The following L3MBTL1 variants were observed in gnomAD, a reference collection of about 807,000 sequenced individuals.
L3MBTL1 encodes L3MBTL histone methyl-lysine binding protein 1.
In L3MBTL1, 75 loss-of-function variants were observed where a neutral mutation model predicts 105.3. The ratio of observed to expected loss-of-function variants is 0.71; its 90% confidence interval spans 0.59 to 0.86. The LOEUF is 0.86. L3MBTL1 is among the 40% of genes least tolerant of loss of function. The pLI, the probability that L3MBTL1 is intolerant of heterozygous loss-of-function variation, is 0.00. For missense variants in L3MBTL1, 1,069 were observed against 1,126.4 expected (o/e 0.95, Z 0.73); for synonymous variants, 452 against 436.2 (o/e 1.04, Z -0.45).
Position 43,516,145 on chromosome 20 carries a change from C to T in L3MBTL1, c.830C>T (p.Pro277Leu), listed in dbSNP as rs376163134. 1.2e-6 allele frequency: 2 copies of T among 1,613,910 alleles called. No individual in the cohort carries two copies. The highest frequency in any genetic ancestry group is 1.7e-5 in the Admixed American group (1 of 59,984). ...GAGGGACAACCCACTGCTAGCACCC[C>T]AGAGAGTGAGGAGTGGAGCAGCAGC... Reference protein sequence around the residue: ...DPEGQPTASTPESEEWSSSQP... With the variant: ...DPEGQPTASTLESEEWSSSQP... Residue 277 changes from proline to leucine, a missense_variant, in exon 7 of 22, where the codon CCA becomes CTA. Transcript: ENST00000418998.
At chr20:43,519,406 G>A (rs2018589472) in intron 7 of L3MBTL1, among the ~76,000 whole-genome samples, 1 of 151,460 alleles carries the variant, frequency 6.6e-6, no homozygotes, top group Non-Finnish European at 1.5e-5. Flanking sequence ...GGAGGCCGAA[G>A]CGGGCAGATC....
intron 7 of L3MBTL1, among the ~76,000 whole-genome samples, chr20:43,522,992 C>G (rs2018814473): frequency 1.3e-5 from 2 of 151,434 alleles, no homozygotes; most frequent in Admixed American, 6.6e-5. Context: ...CCTGTAATCC[C>G]AGCTACTCAG....
chr20:43,522,628 G>T (rs6017100), intron 7 of L3MBTL1, among the ~76,000 whole-genome samples: 1 of 150,200 alleles, frequency 6.7e-6, no homozygotes, highest in African/African-American at 2.4e-5. Context: ...GCACACCACC[G>T]TGCCTGGCTA....
chr20:43,532,574 C>A, intron 11 of L3MBTL1, 199 bp from the exon 12 acceptor site: 1 of 560,386 alleles, frequency 1.8e-6, no homozygotes. Context: ...ACCTTGGAGG[C>A]CAGAGGTTCC....
At chr20:43,548,204 G>A (rs1466405364) in exon 19 of L3MBTL1, 22 of 1,304,336 alleles carry the variant, frequency 1.7e-5, no homozygotes, top group Non-Finnish European at 2.0e-5. Context: ...GATCTATAAC[G>A]CCATTCTCAT....
At position 43,522,457 on chromosome 20, in the gene L3MBTL1, G is replaced by GTTTTTTTTTTTTTTTTT. The variant is rs1176856356; in HGVS notation, c.863-6185_863-6169dup. On this transcript the variant is annotated intron_variant, in intron 7 of 21. Coordinates refer to ENST00000418998, the MANE Select transcript of L3MBTL1 (RefSeq NM_001377303.1). ...TGGTAACTGAATTTTTCCCTGCTAA[G>GTTTTTTTTTTTTTTTTT]TTTTTTTTTTTTTTTTTTTTTTTTT... Among the ~76,000 whole-genome samples the GTTTTTTTTTTTTTTTTT allele has an allele frequency of 4.1e-4, 39 of 95,864 alleles. 4 individuals carry two copies. Among genetic ancestry groups the GTTTTTTTTTTTTTTTTT allele is most frequent in the Admixed American group, 9.8e-4 (7 of 7,140 alleles). The allele number at this position is 95,864 out of a possible 152,430, so 62.9% of individuals were successfully genotyped here. A position where few individuals can be genotyped will look rare whatever the true frequency, so the allele number is the denominator to read the frequency against.
intron 6 of L3MBTL1, chr20:43,515,616 C>T: frequency 3.2e-6 from 2 of 626,974 alleles, no homozygotes; most frequent in Non-Finnish European, 5.3e-6. Context: ...TCTTGATTTT[C>T]CAGAGCTCCC....
chr20:43,525,076 G>GAT (rs1184573229), intron 7 of L3MBTL1, among the ~76,000 whole-genome samples: 2 of 150,832 alleles, frequency 1.3e-5, no homozygotes, highest in Non-Finnish European at 2.9e-5. Context: ...GAGATAACTA[G>GAT]GAGTTGGAAT....
rs6030948 is a variant in L3MBTL1 at position 43,541,085 on chromosome 20, A to G, written c.2546A>G (p.His849Arg). The change falls in exon 22 of 22, where the codon CAT becomes CGT. Residue 849 changes from histidine (H) to arginine (R), a missense_variant. Transcript: ENST00000418998. ...TCACTCCTCTGCTCTCTACCCACTC[A>G]TTTGCTTGCCAAACTTAGCTTTGCC... The part of the protein sequence containing the change: ...VHSLLCSLPT[H>R]LLAKLSFASD... 1,558 of 1,614,062 alleles carry G rather than the reference A, an allele frequency of 9.7e-4. 18 individuals carry two copies. The African/African-American group carries it at 0.018, about 19-fold the overall frequency.
intron 10 of L3MBTL1, 63 bp from the exon 11 acceptor site, chr20:43,530,735 G>C (rs770583217): frequency 1.4e-6 from 2 of 1,449,956 alleles, no homozygotes; most frequent in South Asian, 2.3e-5. Context: ...CTTCACTGTG[G>C]GGTGCCCTTG....
chr20:43,535,899 C>A lies in L3MBTL1; in HGVS notation c.1888C>A (p.Pro630Thr), dbSNP rs1368244391. Residue 630 changes from proline (P) to threonine (T), a missense_variant, in exon 17 of 22, where the codon CCC (proline) becomes ACC (threonine). Physicochemically the swap from Pro to Thr is conservative, Grantham distance 38. Transcript: ENST00000418998. ...GCPPLSYRSL[P>T]HTRTSKYSFH... ...TCCCCCTCTCAGCTATAGGAGCCTGCCCCACACTAGGACCTCCAAATACAG... is the reference window on the plus strand; with the variant it reads ...TCCCCCTCTCAGCTATAGGAGCCTGACCCACACTAGGACCTCCAAATACAG... 3.1e-6 allele frequency: 5 copies of A among 1,613,314 alleles called. No homozygotes were observed. The South Asian group carries it at 5.5e-5, about 18-fold the overall frequency.
At chr20:43,533,008 A>G in intron 12 of L3MBTL1, 84 bp downstream of exon 12, 3 of 1,381,248 alleles carry the variant, frequency 2.2e-6, no homozygotes, top group East Asian at 2.3e-5. Context: ...ACCATGTGGC[A>G]CCACTCAGTC....
chr20:43,519,749 T>C (rs942556623), intron 7 of L3MBTL1, among the ~76,000 whole-genome samples: 1 of 152,212 alleles, frequency 6.6e-6, no homozygotes, highest in African/African-American at 2.4e-5. Flanking sequence ...CAAGGGATCC[T>C]TCTACTTAAG....
chr20:43,542,611 C>CAAAAAAAAAAAAAAA (rs5841503), downstream of L3MBTL1, among the ~76,000 whole-genome samples: 1 of 112,654 alleles, frequency 8.9e-6, no homozygotes, highest in African/African-American at 3.3e-5. Flanking sequence ...AAAAATTTAA[C>CAAAAAAAAAAAAAAA]AAAAAAAAAA....
At chr20:43,542,176 C>T (rs1008449131), downstream of L3MBTL1, among the ~76,000 whole-genome samples, 1 of 152,218 alleles carries the variant, frequency 6.6e-6, no homozygotes, top group Non-Finnish European at 1.5e-5. Context: ...CACCACTGCA[C>T]TCCGGTCTGG....
At position 43,522,456 on chromosome 20, in the gene L3MBTL1, A is replaced by ATTTTTTTTTTTTTTTTTTTTTTTTTTT. The variant is rs778355165; in HGVS notation, c.863-6201_863-6200insTTTTTTTTTTTTTTTTTTTTTTTTTTT. Among the ~76,000 whole-genome samples, 5 of 89,874 alleles carry ATTTTTTTTTTTTTTTTTTTTTTTTTTT rather than the reference A, an allele frequency of 5.6e-5. 1 individual carries two copies. 59.0% of individuals were successfully genotyped at this position (89,874 alleles called of 152,430 possible). ...ATGGTAACTGAATTTTTCCCTGCTA[A>ATTTTTTTTTTTTTTTTTTTTTTTTTTT]GTTTTTTTTTTTTTTTTTTTTTTTT... On this transcript the variant is annotated intron_variant, in intron 7 of 21. Transcript: ENST00000418998.
rs6124572 is a variant in L3MBTL1 at position 43,541,217 on chromosome 20, C to G, written c.*89C>G. 2.0e-6 allele frequency: 3 copies of G among 1,529,290 alleles called. No homozygotes were observed. The African/African-American group carries it at 4.1e-5, about 21-fold the overall frequency. 94.7% of individuals were successfully genotyped at this position (1,529,290 alleles called of 1,614,324 possible). On this transcript the variant is annotated 3_prime_UTR_variant, in exon 22 of 22. Coordinates refer to ENST00000418998, the MANE Select transcript of L3MBTL1 (RefSeq NM_001377303.1). ...GATATTGTGATTTACTGCAAGGATC[C>G]TAACACACACTTAAAATCAAGAGCC...
chr20:43,509,613 T>C (rs951182713), intron 1 of L3MBTL1, among the ~76,000 whole-genome samples: 1 of 152,202 alleles, frequency 6.6e-6, no homozygotes, highest in Non-Finnish European at 1.5e-5. Context: ...ATCTCCAGAA[T>C]ATAAGCTTCA....
chr20:43,545,885 C>T (rs899179642), downstream of L3MBTL1, among the ~76,000 whole-genome samples: 3 of 152,122 alleles, frequency 2.0e-5, no homozygotes, highest in Non-Finnish European at 4.4e-5. Flanking sequence ...GGGTTCATTC[C>T]CCCACTCTGT....
Sources: allele counts gnomAD v4.1 joint callset (sites outside exome capture counted in the v4.1 genomes callset), GRCh38; gene constraint gnomAD v4.1.1; transcripts MANE v1.5; gene names NCBI Gene and HGNC (gene_info 2026-07-23, HGNC 2026-07-21).